The following EEF2KMT variants were observed in gnomAD, a reference collection of about 807,000 sequenced individuals.
EEF2KMT encodes protein-lysine N-methyltransferase EEF2KMT.
In EEF2KMT, 30 loss-of-function variants were observed where a neutral mutation model predicts 35.1. The ratio of observed to expected loss-of-function variants is 0.85; its 90% CI spans 0.64 to 1.16. The LOEUF (loss-of-function observed/expected upper bound fraction) is 1.16, where lower values mean the gene tolerates loss of function less well. Among genes scored for constraint, EEF2KMT ranks in the 50% most tolerant of loss-of-function variants. The pLI, the probability that EEF2KMT is intolerant of heterozygous loss-of-function variation, is 0.00. For missense variants in EEF2KMT, 499 were observed against 438.2 expected (o/e 1.14, Z -1.24); for synonymous variants, 190 against 187.7 (o/e 1.01, Z -0.10).
intron 2 of EEF2KMT, among the ~76,000 whole-genome samples, chr16:5,093,975 C>G (rs8044634): frequency 0.88 from 133,280 of 152,124 alleles, 58,377 homozygotes; most frequent in Middle Eastern, 0.91. Flanking sequence ...ATGGAGGGGA[C>G]GGGACGCTCC....
chr16:5,088,989 T>G, intron 7 of EEF2KMT, 118 bp downstream of exon 7: 14 of 1,576,954 alleles, frequency 8.9e-6, no homozygotes, highest in East Asian at 2.3e-5. Context: ...GTTCCCCCCA[T>G]GGTGTGGGAG....
chr16:5,091,437 CG>C, intron 4 of EEF2KMT, among the ~76,000 whole-genome samples: 1 of 151,972 alleles, frequency 6.6e-6, no homozygotes, highest in East Asian at 1.9e-4. Flanking sequence ...AGGTTGGTCT[CG>C]AACTCCTGAC....
intron 7 of EEF2KMT, among the ~76,000 whole-genome samples, chr16:5,088,348 G>A (rs1239014430): frequency 1.3e-5 from 2 of 152,202 alleles, no homozygotes; most frequent in Admixed American, 6.5e-5. Context: ...CACGTGGACA[G>A]GCACTGGGTT....
At chr16:5,088,800 C>A (rs1017392607) in intron 7 of EEF2KMT, among the ~76,000 whole-genome samples, 7 of 152,104 alleles carry the variant, frequency 4.6e-5, no homozygotes, top group Non-Finnish European at 8.8e-5. Context: ...CCGACTGCCC[C>A]TCCCGCCACC....
chr16:5,091,578 A>G (rs186969378), intron 4 of EEF2KMT, among the ~76,000 whole-genome samples: 108 of 152,328 alleles, frequency 7.1e-4, no homozygotes, highest in Middle Eastern at 3.4e-3. Flanking sequence ...TGTGTCACCT[A>G]TTGGATAAGT....
chr16:5,091,560 A>C (rs1406381337), intron 4 of EEF2KMT, among the ~76,000 whole-genome samples: 1 of 152,256 alleles, frequency 6.6e-6, no homozygotes, highest in African/African-American at 2.4e-5. Context: ...CTTGTGAAGC[A>C]GGTAGTGTGT....
At chr16:5,094,779 C>A (rs1420099039) in intron 2 of EEF2KMT, among the ~76,000 whole-genome samples, 2 of 138,584 alleles carry the variant, frequency 1.4e-5, no homozygotes, top group Non-Finnish European at 3.1e-5. Flanking sequence ...TTCACCGGGG[C>A]TCCTAGGATG....
chr16:5,097,316 G>A (rs1270036100), intron 1 of EEF2KMT: 1 of 1,374,362 alleles, frequency 7.3e-7, no homozygotes, highest in Non-Finnish European at 9.6e-7. Context: ...TAGAATGGGC[G>A]AGGGCAGCTG....
rs752133523 is a variant in EEF2KMT, at chr16:5,091,931, G to A, written c.241-36C>T. The A allele has an allele frequency of 5.0e-6, 8 of 1,609,870 alleles. No individual in the cohort carries two copies. In the African/African-American group the frequency reaches 8.0e-5, roughly 16 times the overall value. On this transcript the variant is annotated intron_variant, in intron 3 of 7. Coordinates refer to ENST00000427587, the MANE Select transcript of EEF2KMT (RefSeq NM_201400.4). ...ACAGAGTGAGAGCTTGTTTGCTTTC[G>A]TTCTAATCTGTAAAAATGGCCAGAT...
intron 6 of EEF2KMT, among the ~76,000 whole-genome samples, chr16:5,089,708 G>A (rs975358110): frequency 2.0e-5 from 3 of 152,164 alleles, no homozygotes; most frequent in African/African-American, 7.2e-5. Context: ...AGGGGACTGA[G>A]TGTGCTGGCA....
At position 5,095,574 on chromosome 16, in the gene EEF2KMT, A is replaced by G. The variant is rs1295560523; in HGVS notation, c.97-60T>C. The G allele has an allele frequency of 5.6e-6, 9 of 1,607,574 alleles. No individual in the cohort carries two copies. The African/African-American group carries it at 9.4e-5, about 17-fold the overall frequency. On this transcript the variant is annotated intron_variant, in intron 1 of 7. Transcript: ENST00000427587. ...GCATTCACAGGAACATTAAACACGC[A>G]ATAGAATGTGTTGGCAAAGCGCTGT...
intron 2 of EEF2KMT, 126 bp from the exon 3 acceptor site, chr16:5,093,690 C>T (rs938500463): frequency 2.7e-5 from 41 of 1,524,480 alleles, no homozygotes; most frequent in African/African-American, 5.5e-5. Flanking sequence ...TAGATGGACA[C>T]AGCGTTTTGG....
chr16:5,090,149 A>G lies in EEF2KMT; in HGVS notation c.677T>C (p.Leu226Pro), dbSNP rs765003677. The G allele has an allele frequency of 6.2e-7, 1 of 1,611,184 alleles. No individual in the cohort carries two copies. The highest frequency in any genetic ancestry group is 1.1e-5 in the South Asian group (1 of 90,996). ...LDSPRVTVAQ[L>P]DWDVATVHQL... is the part of the protein sequence containing the mutation. Reference sequence around the variant, plus strand: ...ATGGACCGTCGCGACGTCCCAGTCCAGCTGGGCCACTGTCACCCTGGGGCT... The same window carrying G: ...ATGGACCGTCGCGACGTCCCAGTCCGGCTGGGCCACTGTCACCCTGGGGCT... Residue 226 changes from leucine to proline, a missense_variant, in exon 6 of 8, where the codon CTG becomes CCG. Physicochemically the swap from Leu to Pro is moderately conservative, Grantham distance 98. Transcript: ENST00000427587. This position sits in a 1 kb window ranked among gnomAD's most constrained non-coding sequence, Gnocchi z 4.1.
intron 4 of EEF2KMT, among the ~76,000 whole-genome samples, chr16:5,091,495 G>T (rs142120516): frequency 2.0e-5 from 3 of 152,154 alleles, no homozygotes; most frequent in Admixed American, 2.0e-4. Flanking sequence ...GATTACAGGC[G>T]TGAGCCACCA....
Position 5,084,409 on chromosome 16 carries a change from G to A in EEF2KMT, c.*1223C>T. The A allele has an allele frequency of 4.1e-6, 2 of 486,736 alleles. No individual in the cohort carries two copies. Among genetic ancestry groups the A allele is most frequent in the South Asian group, 4.2e-5 (2 of 47,624 alleles). 30.2% of individuals were successfully genotyped at this position (486,736 alleles called of 1,614,324 possible). ...TCAGACAGTTTAGCAAGGCTGCAAA[G>A]AACACCGACACCCCCTTGTTACCCA... On this transcript the variant is annotated 3_prime_UTR_variant, in exon 8 of 8. Transcript: ENST00000427587.
chr16:5,093,972 G>T (rs1957399677), intron 2 of EEF2KMT, among the ~76,000 whole-genome samples: 1 of 152,264 alleles, frequency 6.6e-6, no homozygotes, highest in African/African-American at 2.4e-5. Context: ...AGGATGGAGG[G>T]GACGGGACGC....
At chr16:5,093,617 A>G (rs575232075) in intron 2 of EEF2KMT, 53 bp from the exon 3 acceptor site, 3 of 1,609,980 alleles carry the variant, frequency 1.9e-6, no homozygotes, top group African/African-American at 2.7e-5. Context: ...TAAGTCTCCT[A>G]TGAGCTTCAA....
chr16:5,090,630 T>C lies in EEF2KMT; in HGVS notation c.343-65A>G, dbSNP rs995327580. On this transcript the variant is annotated intron_variant, in intron 4 of 7. Transcript: ENST00000427587. The surrounding 1 kb of genome is among the most constrained non-coding windows in gnomAD (Gnocchi z 4.1). ...GAAGGCAAGTGGCTTAGAAGACAAG[T>C]AGCCCCACCACATGGCTGAATAAAC... 22 of 1,600,278 alleles carry C rather than the reference T, an allele frequency of 1.4e-5. No homozygotes were observed. The African/African-American group carries it at 2.8e-4, about 21-fold the overall frequency.
Position 5,091,826 on chromosome 16 carries a change from C to T in EEF2KMT, c.310G>A (p.Glu104Lys), listed in dbSNP as rs370055169. The change falls in exon 4 of 8, where the codon GAG becomes AAG. Residue 104 changes from glutamate (E) to lysine (K), a missense_variant. By Grantham distance (56) the Glu-to-Lys change is moderately conservative. Transcript: ENST00000427587. ...TAGCTCCGGTGGCCCTGGGTGGACT[C>T]CTTGGCCATCAGGGTCTCCGCCAGC... ...EALAETLMAK[E>K]STQGHRSYLL... 1.9e-6 allele frequency: 3 copies of T among 1,611,730 alleles called. No individual in the cohort carries two copies. In the African/African-American group the frequency reaches 4.0e-5, roughly 22 times the overall value.
Sources: gnomAD v4.1 joint callset for allele counts (sites outside exome capture counted in the v4.1 genomes callset) on GRCh38, gnomAD v4.1.1 for gene constraint, Gnocchi (gnomAD v3.1) non-coding constraint, MANE v1.5 for transcripts, NCBI Gene and HGNC (gene_info 2026-07-23, HGNC 2026-07-21) for gene names.